ANGPT4: variants seen among roughly 807,000 people sequenced by gnomAD.
ANGPT4 encodes the protein angiopoietin-4.
In ANGPT4, 50 loss-of-function variants were observed where a neutral mutation model predicts 53.0. That is an observed-to-expected ratio of 0.94 (90% CI 0.75 to 1.20). ANGPT4 has a LOEUF of 1.20. Among genes scored for constraint, ANGPT4 ranks in the 50% most tolerant of loss-of-function variants. The pLI is 0.00. For missense variants in ANGPT4, 648 were observed against 637.1 expected (o/e 1.02, Z -0.18); for synonymous variants, 251 against 259.7 (o/e 0.97, Z 0.32).
intron 6 of ANGPT4, among the ~76,000 whole-genome samples, chr20:879,361 T>C (rs1341693841): frequency 6.6e-6 from 1 of 152,170 alleles, no homozygotes; most frequent in Non-Finnish European, 1.5e-5. Context: ...TCCTCGTTAA[T>C]GAATCTCTCC....
At chr20:885,353 A>G (rs763482667) in intron 3 of ANGPT4, 28 bp from the exon 4 acceptor site, 2 of 1,531,146 alleles carry the variant, frequency 1.3e-6, no homozygotes, top group African/African-American at 1.4e-5. Flanking sequence ...CACAGAGGTG[A>G]GCCTGGCATC....
intron 1 of ANGPT4, among the ~76,000 whole-genome samples, chr20:905,316 C>T (rs1982438670): frequency 1.3e-5 from 2 of 152,156 alleles, no homozygotes; most frequent in Non-Finnish European, 2.9e-5. Context: ...ATGAGCACAT[C>T]CTCTATGCCT....
chr20:902,778 C>T (rs935981009), intron 1 of ANGPT4, among the ~76,000 whole-genome samples: 8 of 152,104 alleles, frequency 5.3e-5, no homozygotes, highest in Admixed American at 3.9e-4. Context: ...AAGGTTAAGA[C>T]CCCTGAAGGC....
chr20:897,220 G>A lies in ANGPT4; in HGVS notation c.310-6852C>T, dbSNP rs115663089. Among the ~76,000 whole-genome samples, 879 of 152,280 alleles carry A rather than the reference G, an allele frequency of 5.8e-3. 7 individuals carry two copies. Among genetic ancestry groups the A allele is most frequent in the African/African-American group, 0.02 (818 of 41,560 alleles). On this transcript the variant is annotated intron_variant, in intron 1 of 8. Coordinates refer to ENST00000381922, the MANE Select transcript of ANGPT4 (RefSeq NM_015985.4). ...CAAAGCCTGTTTGGTTCACATGGAC[G>A]TGCATGATATTTGGTGCTGAAGACC...
chr20:905,141 A>G (rs147227269), intron 1 of ANGPT4, among the ~76,000 whole-genome samples: 1 of 152,244 alleles, frequency 6.6e-6, no homozygotes. Flanking sequence ...TCCTCTGAGA[A>G]GCATTCCCTG....
At chr20:882,334 A>G (rs190898351) in intron 4 of ANGPT4, among the ~76,000 whole-genome samples, 1 of 152,310 alleles carries the variant, frequency 6.6e-6, no homozygotes, top group East Asian at 1.9e-4. Flanking sequence ...CCAGAATCCA[A>G]TCTCTCTGGG....
At chr20:873,839 G>C (rs967489818) in intron 8 of ANGPT4, among the ~76,000 whole-genome samples, 3 of 152,012 alleles carry the variant, frequency 2.0e-5, no homozygotes, top group Non-Finnish European at 4.4e-5. Flanking sequence ...TTCTTACTTT[G>C]TCTCTGTCTC....
chr20:894,309 T>G (rs1055189249), intron 1 of ANGPT4, among the ~76,000 whole-genome samples: 2 of 152,224 alleles, frequency 1.3e-5, no homozygotes, highest in Middle Eastern at 3.2e-3. Context: ...CAGCTAGCCC[T>G]GTCTCTCAGT....
intron 1 of ANGPT4, among the ~76,000 whole-genome samples, chr20:897,874 T>C (rs1441059153): frequency 1.3e-5 from 2 of 152,210 alleles, no homozygotes; most frequent in East Asian, 3.8e-4. Flanking sequence ...ATGCCTTATT[T>C]TCTTCTGCAA....
chr20:912,601 GAGGAGGAGGAGAGAGAGGGAGGCAGA>G (rs1352632157), intron 1 of ANGPT4, among the ~76,000 whole-genome samples: 2 of 152,100 alleles, frequency 1.3e-5, no homozygotes, highest in Non-Finnish European at 2.9e-5. Context: ...TTCCAGGAGC[GAGGAGGAGGAGAGAGAGGGAGGCAGA>G]AGGAGGGGGA....
intron 4 of ANGPT4, among the ~76,000 whole-genome samples, chr20:881,509 G>A (rs752102477): frequency 3.9e-5 from 6 of 152,138 alleles, no homozygotes; most frequent in Non-Finnish European, 7.3e-5. Context: ...TGTTCCAGGC[G>A]GAAGAAACAG....
intron 1 of ANGPT4, among the ~76,000 whole-genome samples, chr20:899,000 C>T (rs1982168112): frequency 6.6e-6 from 1 of 152,224 alleles, no homozygotes; most frequent in African/African-American, 2.4e-5. Context: ...CCCAGATCTT[C>T]TCTTCTTAGC....
At chr20:885,962 A>G (rs1050283177) in intron 3 of ANGPT4, among the ~76,000 whole-genome samples, 7 of 152,244 alleles carry the variant, frequency 4.6e-5, no homozygotes, top group African/African-American at 1.2e-4. Context: ...TGGGAAGAAT[A>G]TGAAAGAAAT....
chr20:885,335 A>AGG lies in ANGPT4; in HGVS notation c.588-12_588-11dup. On this transcript the variant is annotated splice_polypyrimidine_tract_variant and intron_variant, in intron 3 of 8. Transcript: ENST00000381922. ...CCGCTTCTCGAGCGCGCTGCGGGGT[A>AGG]GGGGGCGCACAGAGGTGAGCCTGGC... The AGG allele has an allele frequency of 6.4e-7, 1 of 1,572,294 alleles. No homozygotes were observed. The highest frequency in any genetic ancestry group is 8.6e-7 in the Non-Finnish European group (1 of 1,165,130).
chr20:873,229 T>C, intron 8 of ANGPT4, 109 bp from the exon 9 acceptor site: 3 of 623,668 alleles, frequency 4.8e-6, no homozygotes, highest in Non-Finnish European at 2.3e-6. Flanking sequence ...GGCTGTTGCC[T>C]CCTCTGGGAA....
intron 1 of ANGPT4, among the ~76,000 whole-genome samples, chr20:899,378 G>A (rs1982188631): frequency 6.6e-6 from 1 of 151,918 alleles, no homozygotes; most frequent in Non-Finnish European, 1.5e-5. Flanking sequence ...CTCCCGAGTA[G>A]CTGGGACTAC....
chr20:902,180 A>G (rs941098675), intron 1 of ANGPT4, among the ~76,000 whole-genome samples: 2 of 152,150 alleles, frequency 1.3e-5, no homozygotes, highest in African/African-American at 4.8e-5. Context: ...TACATTACCT[A>G]TATTGAAATT....
At chr20:890,703 C>T (rs958816597) in intron 1 of ANGPT4, among the ~76,000 whole-genome samples, 4 of 152,190 alleles carry the variant, frequency 2.6e-5, no homozygotes, top group Admixed American at 1.3e-4. Flanking sequence ...TCCTATCTCA[C>T]GCAGAGGAAA....
At chr20:904,845 T>C (rs566113257) in intron 1 of ANGPT4, among the ~76,000 whole-genome samples, 36 of 152,272 alleles carry the variant, frequency 2.4e-4, no homozygotes, top group African/African-American at 8.2e-4. Flanking sequence ...TGCCTCAGGC[T>C]GGTCTCAAAC....
Sources: allele counts gnomAD v4.1 joint callset (sites outside exome capture counted in the v4.1 genomes callset), GRCh38; gene constraint gnomAD v4.1.1; transcripts MANE v1.5; gene names NCBI Gene and HGNC (gene_info 2026-07-23, HGNC 2026-07-21).